USP34: variants seen among roughly 807,000 people sequenced by gnomAD.
USP34 encodes ubiquitin carboxyl-terminal hydrolase 34.
In USP34, 70 loss-of-function variants were observed where a neutral mutation model predicts 460.3. That is an observed-to-expected ratio of 0.15 (90% CI 0.13 to 0.19). The LOEUF (loss-of-function observed/expected upper bound fraction) is 0.19, where lower values mean the gene tolerates loss of function less well. Among genes scored for constraint, USP34 ranks in the 10% least tolerant of loss-of-function variants. The probability of loss-of-function intolerance (pLI) is 1.00; values close to 1 mark genes in which losing one functional copy is unlikely to be tolerated. For missense variants in USP34, 3,985 were observed against 4,236.2 expected (o/e 0.94, Z 1.65); for synonymous variants, 1,647 against 1,405.3 (o/e 1.17, Z -3.85).
chr2:61,283,769 C>A (rs1689605990), intron 35 of USP34, among the ~76,000 whole-genome samples: 1 of 152,132 alleles, frequency 6.6e-6, no homozygotes, highest in East Asian at 1.9e-4. Context: ...GCATGTGCCA[C>A]CACACTCAGC....
intron 41 of USP34, among the ~76,000 whole-genome samples, chr2:61,273,741 A>G (rs1225217832): frequency 6.6e-6 from 1 of 152,164 alleles, no homozygotes; most frequent in Non-Finnish European, 1.5e-5. Context: ...GACTATCTCT[A>G]CAGGATATTA....
intron 10 of USP34, among the ~76,000 whole-genome samples, chr2:61,366,578 G>T (rs1692448132): frequency 6.6e-6 from 1 of 152,120 alleles, no homozygotes; most frequent in Non-Finnish European, 1.5e-5. Flanking sequence ...CTCATTTAGA[G>T]TCCTACAACC....
intron 29 of USP34, among the ~76,000 whole-genome samples, chr2:61,298,244 G>A (rs1034892725): frequency 2.0e-5 from 3 of 151,224 alleles, no homozygotes; most frequent in Non-Finnish European, 4.4e-5. Flanking sequence ...ATCTGCAGCT[G>A]GGTGCAGTGG....
Position 61,441,200 on chromosome 2 carries a change from C to T in USP34, c.44-20367G>A, listed in dbSNP as rs183622778. On this transcript the variant is annotated intron_variant, in intron 1 of 79. Coordinates refer to ENST00000398571, the MANE Select transcript of USP34 (RefSeq NM_014709.4). Reference sequence around the variant, plus strand: ...TGTGGCCCAGGCTAGAGTGTACTTGCGATCATAGCTCACTGTAGCCTCAAA... The same window carrying T: ...TGTGGCCCAGGCTAGAGTGTACTTGTGATCATAGCTCACTGTAGCCTCAAA... Among the ~76,000 whole-genome samples, 290 of 149,422 alleles carry T rather than the reference C, an allele frequency of 1.9e-3. 1 individual carries two copies. Among genetic ancestry groups the T allele is most frequent in the Non-Finnish European group, 2.9e-3 (195 of 67,522 alleles).
At chr2:61,257,398 A>C in intron 44 of USP34, 48 bp from the exon 45 acceptor site, 2 of 1,487,250 alleles carry the variant, frequency 1.3e-6, no homozygotes, top group South Asian at 1.4e-5. Context: ...AAAATAAGAA[A>C]ATTATAGGTT....
intron 41 of USP34, among the ~76,000 whole-genome samples, chr2:61,271,874 AG>A (rs1361278358): frequency 2.0e-5 from 3 of 152,224 alleles, no homozygotes; most frequent in Non-Finnish European, 4.4e-5. Flanking sequence ...TAAGGAAAAA[AG>A]TAAAAATCAT....
chr2:61,303,370 A>G (rs1690289845), intron 27 of USP34, among the ~76,000 whole-genome samples: 1 of 151,806 alleles, frequency 6.6e-6, no homozygotes, highest in East Asian at 2.0e-4. Context: ...CCCAGCCAGA[A>G]TATCGTAACA....
At chr2:61,374,510 C>A (rs1191355642) in intron 8 of USP34, among the ~76,000 whole-genome samples, 2 of 152,146 alleles carry the variant, frequency 1.3e-5, no homozygotes, top group Admixed American at 1.3e-4. Context: ...ATGCACATTC[C>A]CACCTAAAGT....
At chr2:61,438,629 A>C (rs931405138) in intron 1 of USP34, among the ~76,000 whole-genome samples, 5 of 151,852 alleles carry the variant, frequency 3.3e-5, no homozygotes, top group South Asian at 2.1e-4. Flanking sequence ...AAAACAAAAA[A>C]AAAACACTCT....
chr2:61,373,410 T>C (rs1692691838), intron 8 of USP34, among the ~76,000 whole-genome samples: 1 of 150,600 alleles, frequency 6.6e-6, no homozygotes, highest in Admixed American at 6.6e-5. Flanking sequence ...CCCCAAGACA[T>C]ACTTTAGCTT....
intron 25 of USP34, among the ~76,000 whole-genome samples, chr2:61,312,276 A>G (rs761372510): frequency 6.6e-6 from 1 of 152,044 alleles, no homozygotes; most frequent in Non-Finnish European, 1.5e-5. Flanking sequence ...TGATTCCTGC[A>G]TTCAGAAGGA....
intron 68 of USP34, among the ~76,000 whole-genome samples, chr2:61,213,693 G>A (rs538659947): frequency 4.5e-4 from 69 of 152,332 alleles, no homozygotes; most frequent in South Asian, 1.0e-3. Flanking sequence ...ACCACAGCAT[G>A]TAGATTTTGC....
chr2:61,411,559 A>C (rs1183938366), intron 2 of USP34, among the ~76,000 whole-genome samples: 1 of 152,102 alleles, frequency 6.6e-6, no homozygotes, highest in Non-Finnish European at 1.5e-5. Context: ...TACCAAGTTT[A>C]TTTCTTTCAC....
intron 1 of USP34, among the ~76,000 whole-genome samples, chr2:61,437,265 C>CA (rs1450851505): frequency 3.3e-5 from 5 of 151,912 alleles, no homozygotes. Flanking sequence ...AAAAGATAAA[C>CA]AAAATCAACA....
intron 5 of USP34, among the ~76,000 whole-genome samples, chr2:61,387,728 C>T (rs9679583): frequency 0.17 from 24,501 of 141,248 alleles, 2,449 homozygotes; most frequent in South Asian, 0.32. Flanking sequence ...TACGTATACA[C>T]ACATGTAAAA....
At chr2:61,312,153 A>G (rs1242706556) in intron 25 of USP34, among the ~76,000 whole-genome samples, 1 of 152,054 alleles carries the variant, frequency 6.6e-6, no homozygotes, top group Non-Finnish European at 1.5e-5. Context: ...GAAAAAAAAA[A>G]TCTCCTTAAG....
At chr2:61,420,012 AT>A (rs1282461229) in intron 2 of USP34, among the ~76,000 whole-genome samples, 1 of 152,204 alleles carries the variant, frequency 6.6e-6, no homozygotes. Flanking sequence ...AGCAAATGTT[AT>A]TTGAAGTTAA....
intron 20 of USP34, among the ~76,000 whole-genome samples, chr2:61,326,590 CT>C (rs1430446114): frequency 4.6e-5 from 7 of 152,080 alleles, no homozygotes; most frequent in African/African-American, 1.7e-4. Flanking sequence ...TTAACTGTGT[CT>C]ATAATATCAC....
intron 1 of USP34, among the ~76,000 whole-genome samples, chr2:61,449,232 G>A (rs987013497): frequency 2.1e-5 from 3 of 143,546 alleles, no homozygotes; most frequent in Non-Finnish European, 3.0e-5. Flanking sequence ...ACTGCAGCCT[G>A]GATGACAGTG....
Sources: allele counts gnomAD v4.1 joint callset (sites outside exome capture counted in the v4.1 genomes callset), GRCh38; gene constraint gnomAD v4.1.1; transcripts MANE v1.5; gene names NCBI Gene and HGNC (gene_info 2026-07-23, HGNC 2026-07-21).